COMT: variants seen among roughly 807,000 people sequenced by gnomAD.
COMT encodes the protein catechol O-methyltransferase.
In COMT, 13 loss-of-function variants were observed where a neutral mutation model predicts 18.9. The observed-to-expected ratio is 0.69, with a 90% CI of 0.45 to 1.09. COMT has a LOEUF of 1.09. COMT is among the 50% of genes least tolerant of loss of function. COMT has a pLI of 0.00. For synonymous variants in COMT, 150 were observed against 160.9 expected (o/e 0.93, Z 0.51); for missense variants, 329 against 361.8 (o/e 0.91, Z 0.73).
At chr22:19,943,286 A>G (rs1941775990) in intron 1 of COMT, among the ~76,000 whole-genome samples, 1 of 152,210 alleles carries the variant, frequency 6.6e-6, no homozygotes, top group Non-Finnish European at 1.5e-5. Flanking sequence ...CAGCGGGACC[A>G]TCTGTTGAGA....
Position 19,968,828 on chromosome 22 carries a change from T to C in COMT, c.*92T>C. 7.8e-7 allele frequency: 1 copy of C among 1,279,882 alleles called. No homozygotes were observed. The allele number at this position is 1,279,882 out of a possible 1,614,324, so 79.3% of individuals were successfully genotyped here. On this transcript the variant is annotated 3_prime_UTR_variant, in exon 6 of 6. Coordinates refer to ENST00000361682, the MANE Select transcript of COMT (RefSeq NM_000754.4). ...CTGCTGACCTTCTGCGGCTCCGGGCTGTGTCCTAAATGCAAAGCACACCTC... is the reference window on the plus strand; with the variant it reads ...CTGCTGACCTTCTGCGGCTCCGGGCCGTGTCCTAAATGCAAAGCACACCTC...
rs1277428084 is a variant in COMT, at chr22:19,968,676, G to A, written c.756G>A (p.Glu252=). 1.2e-6 allele frequency: 2 copies of A among 1,613,962 alleles called. No homozygotes were observed. Among genetic ancestry groups the A allele is most frequent in the Non-Finnish European group, 1.7e-6 (2 of 1,180,020 alleles). ...THYQSFLEYR[E]VVDGLEKAIY... Reference sequence around the variant, plus strand: ...ACCAATCGTTCCTGGAATACAGGGAGGTGGTGGACGGCCTGGAGAAGGCCA... The same window carrying A: ...ACCAATCGTTCCTGGAATACAGGGAAGTGGTGGACGGCCTGGAGAAGGCCA... The change falls in exon 6 of 6, where the codon GAG becomes GAA. Residue 252 remains glutamate, a synonymous_variant. Coordinates refer to ENST00000361682, the MANE Select transcript of COMT (RefSeq NM_000754.4).
chr22:19,959,553 C>T (rs1942143951), intron 1 of COMT, among the ~76,000 whole-genome samples: 1 of 149,066 alleles, frequency 6.7e-6, no homozygotes, highest in African/African-American at 2.4e-5. Flanking sequence ...TGGGGCGGGG[C>T]GGAGCGGAGG....
intron 2 of COMT, chr22:19,962,199 T>A (rs1007174471): frequency 7.6e-5 from 31 of 407,018 alleles, no homozygotes; most frequent in African/African-American, 5.8e-4. Flanking sequence ...ACAGCCTGAG[T>A]CCGTGTCTGC....
chr22:19,961,428 G>GGT (rs1942189328), intron 2 of COMT, 139 bp downstream of exon 2: 1 of 152,486 alleles, frequency 6.6e-6, no homozygotes, highest in African/African-American at 2.4e-5. Context: ...CTAGAAGCCT[G>GGT]GTGTCCGCAT....
At position 19,966,520 on chromosome 22, in the gene COMT, A is replaced by G. The variant is rs559691932; in HGVS notation, c.616-2016A>G. Among the ~76,000 whole-genome samples, 23 of 151,020 alleles carry G rather than the reference A, an allele frequency of 1.5e-4. No individual in the cohort carries two copies. In the South Asian group the frequency reaches 4.6e-3, roughly 30 times the overall value. On this transcript the variant is annotated intron_variant, in intron 5 of 5. Transcript: ENST00000361682. ...CAGTGATGACATCATAGCTCACTGT[A>G]GCCTCAAACTCCTGAGCTCCAGTGA...
At position 19,968,787 on chromosome 22, in the gene COMT, G is replaced by T; in HGVS notation, c.*51G>T. ...CTCTCTCACCCAGCCTGGTACTGAA[G>T]GTGCCAGACGTGCTCCTGCTGACCT... On this transcript the variant is annotated 3_prime_UTR_variant, in exon 6 of 6. Coordinates refer to ENST00000361682, the MANE Select transcript of COMT (RefSeq NM_000754.4). 1 of 1,544,198 alleles carries T rather than the reference G, an allele frequency of 6.5e-7. No individual in the cohort carries two copies.
At chr22:19,957,452 T>G (rs1053889072) in intron 1 of COMT, among the ~76,000 whole-genome samples, 4 of 152,176 alleles carry the variant, frequency 2.6e-5, no homozygotes, top group African/African-American at 9.7e-5. Context: ...GAATGTCATC[T>G]AGGGTGTGTC....
chr22:19,945,081 G>A (rs1941814648), intron 1 of COMT, among the ~76,000 whole-genome samples: 4 of 152,174 alleles, frequency 2.6e-5, no homozygotes, highest in Admixed American at 2.0e-4. Flanking sequence ...TAAGTTTGCT[G>A]AAACTTTTAA....
At position 19,967,023 on chromosome 22, in the gene COMT, T is replaced by C. The variant is rs1047029805; in HGVS notation, c.616-1513T>C. 224 of 1,200,526 alleles carry C rather than the reference T, an allele frequency of 1.9e-4. 2 individuals carry two copies. Among genetic ancestry groups the C allele is most frequent in the Middle Eastern group, 3.5e-4 (1 of 2,868 alleles). 74.4% of individuals were successfully genotyped at this position (1,200,526 alleles called of 1,614,324 possible). On this transcript the variant is annotated intron_variant, in intron 5 of 5. Coordinates refer to ENST00000361682, the MANE Select transcript of COMT (RefSeq NM_000754.4). ...TGAGTAGCTGGTAGGAGGCTTGCAG[T>C]GTCGGGCGACAGGCAGGACAGGTGC... is the stretch of plus-strand genomic sequence containing the variant.
chr22:19,955,444 G>A (rs1942037167), intron 1 of COMT, among the ~76,000 whole-genome samples: 1 of 152,232 alleles, frequency 6.6e-6, no homozygotes, highest in Non-Finnish European at 1.5e-5. Flanking sequence ...CCAGAATCCT[G>A]GTCCCCCTTT....
chr22:19,956,623 G>A (rs1033257182), intron 1 of COMT, among the ~76,000 whole-genome samples: 5 of 152,148 alleles, frequency 3.3e-5, no homozygotes, highest in Admixed American at 1.3e-4. Context: ...TGGTCTGCCC[G>A]CCTTGGCCTC....
Position 19,962,736 on chromosome 22 carries a change from G to C in COMT, c.210G>C (p.Gly70=). ...ACGTGCTGCAGCATGCGGAGCCCGGGAACGCACAGAGCGTGCTGGAGGCCA... is the reference window on the plus strand; with the variant it reads ...ACGTGCTGCAGCATGCGGAGCCCGGCAACGCACAGAGCGTGCTGGAGGCCA... ...LNHVLQHAEP[G]NAQSVLEAID... The change falls in exon 3 of 6, where the codon GGG becomes GGC. Residue 70 remains glycine (G), a synonymous_variant. Transcript: ENST00000361682. 2 of 1,613,762 alleles carry C rather than the reference G, an allele frequency of 1.2e-6. No homozygotes were observed. Among genetic ancestry groups the C allele is most frequent in the South Asian group, 2.2e-5 (2 of 91,084 alleles).
At chr22:19,960,849 A>T (rs1049390732) in intron 1 of COMT, among the ~76,000 whole-genome samples, 2 of 152,256 alleles carry the variant, frequency 1.3e-5, no homozygotes, top group African/African-American at 4.8e-5. Context: ...CCAAGGTACT[A>T]AGGACTCTTC....
intron 1 of COMT, among the ~76,000 whole-genome samples, chr22:19,956,129 CTTTTTTT>C (rs1942053215): frequency 3.7e-5 from 3 of 81,246 alleles, no homozygotes; most frequent in Admixed American, 1.2e-4. Context: ...TCTTTTTTTT[CTTTTTTT>C]CTTTTTTTTT....
intron 1 of COMT, among the ~76,000 whole-genome samples, chr22:19,957,357 G>T (rs972133769): frequency 6.6e-6 from 1 of 151,994 alleles, no homozygotes; most frequent in African/African-American, 2.4e-5. Flanking sequence ...GGCTGCAGCT[G>T]CAGTGAGCCT....
At chr22:19,966,894 A>T in intron 5 of COMT, 1 of 970,844 alleles carries the variant, frequency 1.0e-6, no homozygotes, top group East Asian at 1.1e-4. Flanking sequence ...AAACCACCTC[A>T]GCATAGTGTC....
chr22:19,950,691 G>A (rs1455107655), intron 1 of COMT, among the ~76,000 whole-genome samples: 1 of 152,086 alleles, frequency 6.6e-6, no homozygotes, highest in African/African-American at 2.4e-5. Context: ...CAGACTTGAA[G>A]GGGGTGTCTC....
chr22:19,960,924 C>T (rs1393330318), intron 1 of COMT, among the ~76,000 whole-genome samples: 5 of 152,240 alleles, frequency 3.3e-5, no homozygotes, highest in Admixed American at 2.6e-4. Flanking sequence ...CAGGTGCACA[C>T]ACACATAGCC....
Sources: allele counts gnomAD v4.1 joint callset (sites outside exome capture counted in the v4.1 genomes callset), GRCh38; gene constraint gnomAD v4.1.1; transcripts MANE v1.5; gene names NCBI Gene and HGNC (gene_info 2026-07-23, HGNC 2026-07-21).